XKR4: variants seen among roughly 807,000 people sequenced by gnomAD.
XKR4 encodes the protein XK related 4.
XKR4 carries 12 observed loss-of-function variants against 53.9 expected under a neutral mutation model. The ratio of observed to expected loss-of-function variants is 0.22; its 90% CI spans 0.14 to 0.36. XKR4 has a LOEUF of 0.36. Ranked by LOEUF, XKR4 falls within the 10% of genes least tolerant of loss-of-function variation. The pLI is 1.00. For synonymous variants in XKR4, 354 were observed against 362.4 expected (o/e 0.98, Z 0.26); for missense variants, 799 against 859.5 (o/e 0.93, Z 0.88).
chr8:55,149,736 A>T (rs1467149141), intron 1 of XKR4, among the ~76,000 whole-genome samples: 1 of 152,156 alleles, frequency 6.6e-6, no homozygotes, highest in Non-Finnish European at 1.5e-5. Context: ...AAACTAGCTG[A>T]TATATTTGAG....
At chr8:55,489,384 C>T (rs1806240676) in intron 2 of XKR4, among the ~76,000 whole-genome samples, 1 of 152,016 alleles carries the variant, frequency 6.6e-6, no homozygotes, top group Non-Finnish European at 1.5e-5. Flanking sequence ...AACTGTTTGT[C>T]AATTTTGCTA....
chr8:55,454,244 T>A, intron 2 of XKR4: 1 of 1,215,592 alleles, frequency 8.2e-7, no homozygotes, highest in Admixed American at 1.7e-5. Flanking sequence ...CGTCTCTCCA[T>A]CCAGATCAGC....
At chr8:55,244,105 G>C (rs1283553728) in intron 1 of XKR4, among the ~76,000 whole-genome samples, 1 of 152,152 alleles carries the variant, frequency 6.6e-6, no homozygotes, top group Non-Finnish European at 1.5e-5. Flanking sequence ...ACATGTGCAG[G>C]TATGTTATAC....
intron 1 of XKR4, among the ~76,000 whole-genome samples, chr8:55,209,595 C>T (rs11782919): frequency 0.33 from 50,084 of 151,824 alleles, 9,940 homozygotes; most frequent in Middle Eastern, 0.46. Context: ...TGGTGTGCTC[C>T]GCGGACGTGC....
At chr8:55,207,729 A>AGG (rs1817670269) in intron 1 of XKR4, among the ~76,000 whole-genome samples, 1 of 150,176 alleles carries the variant, frequency 6.7e-6, no homozygotes, top group Admixed American at 6.6e-5. Flanking sequence ...TCTCATAAAG[A>AGG]AGAGGAGGAA....
chr8:55,462,666 A>T (rs1250990926), intron 2 of XKR4, among the ~76,000 whole-genome samples: 1 of 152,246 alleles, frequency 6.6e-6, no homozygotes, highest in African/African-American at 2.4e-5. Context: ...TCCAATTAAA[A>T]GCCACAGACT....
chr8:55,346,322 G>C (rs1420387011), intron 1 of XKR4, among the ~76,000 whole-genome samples: 2 of 152,116 alleles, frequency 1.3e-5, no homozygotes, highest in African/African-American at 4.8e-5. Flanking sequence ...CTGACCTCAA[G>C]TGATCCACCT....
intron 1 of XKR4, among the ~76,000 whole-genome samples, chr8:55,342,272 A>T (rs79676672): frequency 6.6e-6 from 1 of 151,968 alleles, no homozygotes; most frequent in African/African-American, 2.4e-5. Context: ...TTAACTTCAA[A>T]ATAAATACCC....
intron 2 of XKR4, among the ~76,000 whole-genome samples, chr8:55,413,785 G>A (rs774227265): frequency 2.0e-5 from 3 of 152,122 alleles, no homozygotes; most frequent in African/African-American, 4.8e-5. Flanking sequence ...CAGTCTCACC[G>A]CTTTCCCCTC....
At chr8:55,424,305 G>T (rs1474276142) in intron 2 of XKR4, among the ~76,000 whole-genome samples, 3 of 152,156 alleles carry the variant, frequency 2.0e-5, no homozygotes, top group Non-Finnish European at 4.4e-5. Context: ...GTGCCAAGTA[G>T]ACCATAACCA....
chr8:55,443,553 A>AAAT (rs1805301118), intron 2 of XKR4, among the ~76,000 whole-genome samples: 1 of 143,580 alleles, frequency 7.0e-6, no homozygotes. Flanking sequence ...AAAAAAAAAA[A>AAAT]AAACAGAAGG....
At chr8:55,452,078 C>A in intron 2 of XKR4, 1 of 704,076 alleles carries the variant, frequency 1.4e-6, no homozygotes, top group Admixed American at 2.0e-5. Flanking sequence ...CTCGGGGTGG[C>A]TGGCCGGGTG....
intron 1 of XKR4, among the ~76,000 whole-genome samples, chr8:55,131,816 G>C (rs566369937): frequency 6.6e-6 from 1 of 151,984 alleles, no homozygotes; most frequent in Non-Finnish European, 1.5e-5. Context: ...TATGATCACA[G>C]CTCACTGCAG....
chr8:55,199,656 C>T lies in XKR4; in HGVS notation c.806+96362C>T, dbSNP rs146910428. 1.8e-3 allele frequency among the ~76,000 whole-genome samples: 274 copies of T among 152,230 alleles called. 1 individual carries two copies. Among genetic ancestry groups the T allele is most frequent in the Non-Finnish European group, 2.6e-3 (179 of 68,016 alleles). ...GGACTGTTAATTTGACTCTCTCTAC[C>T]ACATGCCAACTCTTCTGATCACAGC... On this transcript the variant is annotated intron_variant, in intron 1 of 2. Coordinates refer to ENST00000327381, the MANE Select transcript of XKR4 (RefSeq NM_052898.2).
intron 1 of XKR4, among the ~76,000 whole-genome samples, chr8:55,267,624 T>TTAA (rs10690498): frequency 0.83 from 126,773 of 151,980 alleles, 53,844 homozygotes; most frequent in Non-Finnish European, 0.93. Context: ...AACCAAAGTG[T>TTAA]TAAGGGTTGT....
intron 2 of XKR4, among the ~76,000 whole-genome samples, chr8:55,511,725 C>T (rs1806628783): frequency 6.6e-6 from 1 of 152,204 alleles, no homozygotes; most frequent in African/African-American, 2.4e-5. Flanking sequence ...ACACATTCTG[C>T]ACAGGTAAAT....
rs1428897455 is a variant in XKR4 at position 55,524,201 on chromosome 8, C to T, written c.1927C>T (p.Arg643Trp). 1 of 1,613,678 alleles carries T rather than the reference C, an allele frequency of 6.2e-7. No homozygotes were observed. The highest frequency in any genetic ancestry group is 1.3e-5 in the African/African-American group (1 of 74,914). The change falls in exon 3 of 3, where the codon CGG becomes TGG. Residue 643 changes from arginine to tryptophan, a missense_variant. Arg to Trp is a moderately radical substitution (Grantham distance 101). Transcript: ENST00000327381. ...QYKDDALIQE[R>W]LEYETTL ...CAAAGATGATGCCCTTATTCAGGAG[C>T]GGTTGGAGTACGAAACCACTTTATA... is the stretch of plus-strand genomic sequence containing the variant.
At chr8:55,483,868 A>G (rs1563363656) in intron 2 of XKR4, among the ~76,000 whole-genome samples, 1 of 152,170 alleles carries the variant, frequency 6.6e-6, no homozygotes. Context: ...ACAGAAAAAT[A>G]GAGAAAATGA....
In XKR4 at chr8:55,524,741, A is replaced by G. The variant is rs1308836036; in HGVS notation, c.*514A>G. ...GAGGGAAACATCCCTCGAGAAAAAA[A>G]ATAGTATTGCTTAGAAAAGAAACCA... On this transcript the variant is annotated 3_prime_UTR_variant, in exon 3 of 3. Transcript: ENST00000327381. 6.5e-6 allele frequency: 1 copy of G among 153,048 alleles called. No homozygotes were observed. Among genetic ancestry groups the G allele is most frequent in the Non-Finnish European group, 1.5e-5 (1 of 68,706 alleles). The allele number at this position is 153,048 out of a possible 1,614,324, so 9.5% of individuals were successfully genotyped here.
Sources: allele counts gnomAD v4.1 joint callset (sites outside exome capture counted in the v4.1 genomes callset), GRCh38; gene constraint gnomAD v4.1.1; transcripts MANE v1.5; gene names NCBI Gene and HGNC (gene_info 2026-07-23, HGNC 2026-07-21).